LMF1: variants seen among roughly 807,000 people sequenced by gnomAD.
The protein encoded by LMF1 is transmembrane protein 112.
A neutral mutation model predicts 60.6 loss-of-function variants in LMF1; 68 were observed. The observed-to-expected ratio is 1.12, with a 90% CI of 0.92 to 1.37. The LOEUF (loss-of-function observed/expected upper bound fraction) is 1.37. LMF1 is among the 40% of genes most tolerant of loss of function. The probability of loss-of-function intolerance (pLI) is 0.00; values close to 1 mark genes in which losing one functional copy is unlikely to be tolerated. For missense variants in LMF1, 948 were observed against 767.2 expected (o/e 1.24, Z -2.78); for synonymous variants, 418 against 324.7 (o/e 1.29, Z -3.09).
intron 5 of LMF1, among the ~76,000 whole-genome samples, chr16:886,276 TG>T (rs1343464756): frequency 6.6e-6 from 1 of 152,134 alleles, no homozygotes; most frequent in Non-Finnish European, 1.5e-5. Flanking sequence ...CTTGGCTGCG[TG>T]GGTAGAACAG....
chr16:892,413 C>T (rs1202990285), intron 5 of LMF1, among the ~76,000 whole-genome samples: 1 of 152,166 alleles, frequency 6.6e-6, no homozygotes, highest in Non-Finnish European at 1.5e-5. Context: ...CCCCAGACCA[C>T]CCCCAGCCCC....
chr16:893,194 C>T (rs1031631082), intron 4 of LMF1, 122 bp from the exon 5 acceptor site: 103 of 832,012 alleles, frequency 1.2e-4, no homozygotes, highest in Non-Finnish European at 1.9e-4. Context: ...GCTGCAGGCG[C>T]TGTGAGGGAG....
chr16:916,944 C>T (rs1317695641), intron 3 of LMF1, among the ~76,000 whole-genome samples: 2 of 152,234 alleles, frequency 1.3e-5, no homozygotes, highest in Non-Finnish European at 2.9e-5. Context: ...GCTCTGGGAT[C>T]CCCTGAATAT....
At chr16:942,339 C>T (rs866680975) in intron 2 of LMF1, among the ~76,000 whole-genome samples, 2 of 152,234 alleles carry the variant, frequency 1.3e-5, no homozygotes, top group South Asian at 2.1e-4. Context: ...CTTTGGTATT[C>T]GGTAGTTTGA....
chr16:928,936 G>A (rs1274606122), intron 3 of LMF1, among the ~76,000 whole-genome samples: 1 of 152,188 alleles, frequency 6.6e-6, no homozygotes. Flanking sequence ...TCTTCCTCTG[G>A]GACTCTATCT....
At position 871,341 on chromosome 16, in the gene LMF1, C is replaced by A; in HGVS notation, c.898G>T (p.Ala300Ser). Residue 300 changes from alanine (A) to serine (S), a missense_variant and splice_region_variant, in exon 7 of 11, where the codon GCC (alanine) becomes TCC (serine). Transcript: ENST00000262301. ...AGGTTCCCGCTGACGATGAGGACGGCCTGTGGAGACGCCGCAGCTGAGTCT... is the reference window on the plus strand; with the variant it reads ...AGGTTCCCGCTGACGATGAGGACGGACTGTGGAGACGCCGCAGCTGAGTCT... ...IHGVLQILFQ[A>S]VLIVSGNLSF... The A allele has an allele frequency of 6.2e-7, 1 of 1,611,710 alleles. No individual in the cohort carries two copies. The highest frequency in any genetic ancestry group is 8.5e-7 in the Non-Finnish European group (1 of 1,179,646).
Position 879,578 on chromosome 16 carries a change from G to A in LMF1, c.889C>T (p.Leu297=), listed in dbSNP as rs534849012. The A allele has an allele frequency of 9.4e-5, 152 of 1,612,956 alleles. 1 individual carries two copies. In the South Asian group the frequency reaches 1.5e-3, roughly 16 times the overall value. Residue 297 remains leucine, a synonymous_variant, in exon 6 of 11, where the codon CTG becomes TTG. Coordinates refer to ENST00000262301, the MANE Select transcript of LMF1 (RefSeq NM_022773.4). ...ACIIHGVLQI[L]FQAVLIVSGN... is the part of the protein sequence containing the mutation. ...GGGCGGCGCGGGCTCACCTGGAACA[G>A]GATCTGCAGCACCCCGTGGATGATG...
At chr16:882,698 C>CATCGCAGGACCA (rs1399078674) in intron 5 of LMF1, among the ~76,000 whole-genome samples, 1 of 151,574 alleles carries the variant, frequency 6.6e-6, no homozygotes, top group Non-Finnish European at 1.5e-5. Context: ...AAGCAGGGCC[C>CATCGCAGGACCA]ATCGCAGGAC....
chr16:893,301 G>C (rs1253837541), intron 4 of LMF1: 2 of 629,224 alleles, frequency 3.2e-6, no homozygotes, highest in African/African-American at 4.2e-5. Context: ...CCGCGGGCGT[G>C]AGCAACAGTG....
At chr16:926,195 G>A (rs1321598394) in intron 3 of LMF1, among the ~76,000 whole-genome samples, 2 of 152,054 alleles carry the variant, frequency 1.3e-5, no homozygotes, top group African/African-American at 2.4e-5. Context: ...CATATGATCT[G>A]CATACGTGGG....
intron 2 of LMF1, chr16:947,425 C>T (rs1251853659): frequency 4.4e-6 from 2 of 453,030 alleles, no homozygotes; most frequent in South Asian, 3.1e-5. Flanking sequence ...CCCAAACATG[C>T]TGTTCATCGT....
chr16:889,153 C>T (rs986311424), intron 5 of LMF1, among the ~76,000 whole-genome samples: 3 of 152,208 alleles, frequency 2.0e-5, no homozygotes, highest in East Asian at 1.9e-4. Context: ...TCTGGGAACA[C>T]GACGTGAGGA....
intron 4 of LMF1, among the ~76,000 whole-genome samples, chr16:902,741 T>C (rs1261995540): frequency 3.1e-5 from 4 of 128,732 alleles, no homozygotes; most frequent in Non-Finnish European, 4.9e-5. Context: ...ACAGGACGCC[T>C]GTCTCTGCTG....
rs760536168 is a variant in LMF1 at position 869,975 on chromosome 16, TG to T, written c.1323del (p.Phe441LeufsTer25). ...APDAMWEDYE[F>X]KCKPGDPSRR... Reference sequence around the variant, plus strand: ...CTGCTGGGGTCACCTGGCTTGCACTTGAACTCGTAGTCCTCCCACATGGCAT... The same window carrying T: ...CTGCTGGGGTCACCTGGCTTGCACTTAACTCGTAGTCCTCCCACATGGCAT... On this transcript the variant is annotated frameshift_variant, in exon 9 of 11. Coordinates refer to ENST00000262301, the MANE Select transcript of LMF1 (RefSeq NM_022773.4). LOFTEE classifies it high-confidence loss of function. The T allele has an allele frequency of 4.3e-6, 7 of 1,613,204 alleles. No individual in the cohort carries two copies. In the African/African-American group the frequency reaches 9.3e-5, roughly 22 times the overall value.
chr16:917,185 TCAC>T (rs2071301271), intron 3 of LMF1, among the ~76,000 whole-genome samples: 1 of 152,102 alleles, frequency 6.6e-6, no homozygotes, highest in African/African-American at 2.4e-5. Flanking sequence ...GGGGGACGGG[TCAC>T]CACCATCTCA....
chr16:911,881 C>T (rs370312244), intron 3 of LMF1, among the ~76,000 whole-genome samples: 1 of 152,088 alleles, frequency 6.6e-6, no homozygotes, highest in Admixed American at 6.5e-5. Context: ...GCAGCAGCTC[C>T]GCCACTGGAT....
intron 2 of LMF1, 76 bp downstream of exon 2, chr16:954,281 G>A (rs933149690): frequency 2.1e-6 from 3 of 1,399,210 alleles, no homozygotes; most frequent in East Asian, 2.4e-5. Flanking sequence ...GTCTTTCCAA[G>A]TGCCAGGACA....
intron 5 of LMF1, among the ~76,000 whole-genome samples, chr16:888,858 G>A (rs2070391021): frequency 6.6e-6 from 1 of 152,202 alleles, no homozygotes; most frequent in Admixed American, 6.5e-5. Context: ...GGGCAGCAGG[G>A]CCAGCCAGTG....
chr16:863,374 TC>T (rs1361173031), intron 10 of LMF1, among the ~76,000 whole-genome samples: 2 of 152,204 alleles, frequency 1.3e-5, no homozygotes, highest in Non-Finnish European at 2.9e-5. Context: ...ATTCCTGAGT[TC>T]AGGTGATCCA....
Sources: gnomAD v4.1 joint callset for allele counts (sites outside exome capture counted in the v4.1 genomes callset) on GRCh38, gnomAD v4.1.1 for gene constraint, MANE v1.5 for transcripts, NCBI Gene and HGNC (gene_info 2026-07-23, HGNC 2026-07-21) for gene names.